CACNA1F: variants seen among roughly 807,000 people sequenced by gnomAD.
The protein encoded by CACNA1F is voltage-dependent L-type calcium channel subunit alpha-1F.
In CACNA1F, 59 loss-of-function variants were observed where a neutral mutation model predicts 143.8. The observed-to-expected ratio is 0.41, with a 90% CI of 0.33 to 0.51. The LOEUF (loss-of-function observed/expected upper bound fraction) is 0.51. Among genes scored for constraint, CACNA1F ranks in the 20% least tolerant of loss-of-function variants. The pLI is 0.22. For synonymous variants in CACNA1F, 643 were observed against 649.1 expected, an observed-to-expected ratio of 0.99 and a Z score of 0.14; for missense variants, 1,411 against 1,647.5, an observed-to-expected ratio of 0.86 and a Z score of 2.48.
At chrX:49,219,277 C>T in intron 21 of CACNA1F, 44 bp downstream of exon 21, 2 of 1,191,049 alleles carry the variant, frequency 1.7e-6, no homozygotes, top group East Asian at 3.0e-5. Flanking sequence ...TAGGACACCC[C>T]TGGGAGTGTC....
chrX:49,212,861 C>A, intron 32 of CACNA1F, 66 bp from the exon 33 acceptor site: 2 of 1,181,972 alleles, frequency 1.7e-6, no homozygotes, highest in Non-Finnish European at 2.3e-6. Flanking sequence ...CTATCTCATG[C>A]TTTGGCCCTC....
In CACNA1F at chrX:49,223,079, G is replaced by T. The variant is rs151256170; in HGVS notation, c.1935C>A (p.Ile645=). The change falls in exon 15 of 48, where the codon ATC becomes ATA. Residue 645 remains isoleucine, a synonymous_variant. Coordinates refer to ENST00000323022, the MANE Select transcript of CACNA1F (RefSeq NM_001256789.3). ...GGAAGAGGAGAAGCAGCAAGGATGC[G>T]ATGGATTTCATTGAATTGAGCAGGG... ...VASLLNSMKS[I]ASLLLLLFLF... The T allele has an allele frequency of 2.5e-6, 3 of 1,203,794 alleles. No homozygotes were observed. The East Asian group carries it at 8.9e-5, about 36-fold the overall frequency.
At position 49,231,720 on chromosome X, in the gene CACNA1F, G is replaced by A. The variant is rs781975294; in HGVS notation, c.233C>T (p.Ala78Val). The change falls in exon 2 of 48, where the codon GCC (alanine) becomes GTC (valine). Residue 78 changes from alanine (A) to valine (V), a missense_variant. Physicochemically the swap from Ala to Val is moderately conservative, Grantham distance 64. Transcript: ENST00000323022. Reference sequence around the variant, plus strand: ...GATGCAGGACCGTCGCAGAGGATTGGCCAGGGTGAGGCAGAAGAGTGCCCG... The same window carrying A: ...GATGCAGGACCGTCGCAGAGGATTGACCAGGGTGAGGCAGAAGAGTGCCCG... ...SPRALFCLTLANPLRRSCISI... is the reference protein window; with the variant it reads ...SPRALFCLTLVNPLRRSCISI... 9.1e-6 allele frequency: 11 copies of A among 1,211,935 alleles called. No individual in the cohort carries two copies. The South Asian group carries it at 1.2e-4, about 14-fold the overall frequency.
intron 35 of CACNA1F, 112 bp downstream of exon 35, chrX:49,211,786 G>T: frequency 1.6e-6 from 1 of 623,012 alleles, no homozygotes. Flanking sequence ...ATCTCGGGCT[G>T]TATGGAGCCC....
At chrX:49,227,401 C>A (rs782219406) in intron 8 of CACNA1F, among the ~76,000 whole-genome samples, 1 of 111,617 alleles carries the variant, frequency 9.0e-6, no homozygotes, top group Non-Finnish European at 1.9e-5. Flanking sequence ...CATAGCTCAC[C>A]GCAGCCTCGA....
intron 16 of CACNA1F, 43 bp from the exon 17 acceptor site, chrX:49,222,646 C>G: frequency 8.3e-7 from 1 of 1,204,478 alleles, no homozygotes; most frequent in East Asian, 3.0e-5. Flanking sequence ...AGCACCCTGC[C>G]TATAGACCAC....
At chrX:49,230,077 G>T in intron 6 of CACNA1F, 143 bp downstream of exon 6, 1 of 493,129 alleles carries the variant, frequency 2.0e-6, no homozygotes, top group Non-Finnish European at 3.4e-6. Context: ...TTGAATATAT[G>T]GGTGGGACTT....
rs781829718 is a variant in CACNA1F at position 49,215,171 on chromosome X, C to T, written c.3512G>A (p.Arg1171His). 2.5e-6 allele frequency: 3 copies of T among 1,208,119 alleles called. No individual in the cohort carries two copies. Among genetic ancestry groups the T allele is most frequent in the East Asian group, 5.9e-5 (2 of 33,727 alleles). Residue 1171 changes from arginine to histidine, a missense_variant, in exon 29 of 48, where the codon CGT becomes CAT. Coordinates refer to ENST00000323022, the MANE Select transcript of CACNA1F (RefSeq NM_001256789.3). ...RYIPKNPHQY[R>H]VWATVNSAAF... ...AGCAGAGTTCACAGTGGCCCACACA[C>T]GATACTGATGCGGGTTCTTGGGGAT...
Position 49,215,557 on chromosome X carries a change from A to C in CACNA1F, c.3237-14T>G. The C allele has an allele frequency of 1.2e-6, 1 of 822,807 alleles. No individual in the cohort carries two copies. The highest frequency in any genetic ancestry group is 1.7e-6 in the Non-Finnish European group (1 of 571,710). The allele number at this position is 822,807 out of a possible 1,213,427, so 67.8% of individuals were successfully genotyped here. ...TTGTATAGCAGTCTGTGGGAGCCAGAGGGGGGGTAGAGGTGGGGGCAGGTG... is the reference window on the plus strand; with the variant it reads ...TTGTATAGCAGTCTGTGGGAGCCAGCGGGGGGGTAGAGGTGGGGGCAGGTG... On this transcript the variant is annotated splice_polypyrimidine_tract_variant and intron_variant, in intron 27 of 47. Coordinates refer to ENST00000323022, the MANE Select transcript of CACNA1F (RefSeq NM_001256789.3).
In CACNA1F at chrX:49,215,479, C is replaced by G. The variant is rs1252151297; in HGVS notation, c.3301G>C (p.Glu1101Gln). 8.5e-7 allele frequency: 1 copy of G among 1,177,131 alleles called. No homozygotes were observed. The highest frequency in any genetic ancestry group is 1.1e-6 in the Non-Finnish European group (1 of 877,246). ...DHGPIYNYRVEISVFFIVYII... is the reference protein window; with the variant it reads ...DHGPIYNYRVQISVFFIVYII... The stretch of plus-strand genomic sequence containing the variant: ...TAGACAATGAAGAACACTGAGATCT[C>G]CACACGGTAATTATAGATGGGGCCG... The change falls in exon 28 of 48, where the codon GAG becomes CAG. Residue 1101 changes from glutamate (E) to glutamine (Q), a missense_variant. By Grantham distance (29) the Glu-to-Gln change is conservative. Coordinates refer to ENST00000323022, the MANE Select transcript of CACNA1F (RefSeq NM_001256789.3).
chrX:49,220,067 G>A (rs958164948), intron 19 of CACNA1F, among the ~76,000 whole-genome samples: 5 of 111,489 alleles, frequency 4.5e-5, no homozygotes, highest in Non-Finnish European at 9.4e-5. Flanking sequence ...TAAACAAAAC[G>A]TGTTTCTCTT....
intron 35 of CACNA1F, 145 bp downstream of exon 35, chrX:49,211,753 T>G (rs1557106299): frequency 3.7e-6 from 2 of 543,459 alleles, no homozygotes; most frequent in African/African-American, 4.6e-5. Context: ...TCTAACAGAC[T>G]CCTCACATCA....
intron 33 of CACNA1F, 115 bp from the exon 34 acceptor site, chrX:49,212,423 C>T (rs782783891): frequency 3.1e-6 from 2 of 655,435 alleles, no homozygotes; most frequent in East Asian, 6.9e-5. Flanking sequence ...TGCAGTCCAT[C>T]TCCAAAGTGC....
Position 49,231,000 on chromosome X carries a change from GA to G in CACNA1F, c.382-12del. On this transcript the variant is annotated splice_polypyrimidine_tract_variant and intron_variant, in intron 3 of 47. Coordinates refer to ENST00000323022, the MANE Select transcript of CACNA1F (RefSeq NM_001256789.3). ...GTACTCCACCTGCTCCTGGGGGTGG[GA>G]CCGGGGGGCGGGTCGGGAAGTCGAG... The G allele has an allele frequency of 9.8e-7, 1 of 1,023,113 alleles. No individual in the cohort carries two copies. The highest frequency in any genetic ancestry group is 1.4e-6 in the Non-Finnish European group (1 of 731,035). The allele number at this position is 1,023,113 out of a possible 1,213,427, so 84.3% of individuals were successfully genotyped here. A position where few individuals can be genotyped will look rare whatever the true frequency, so the allele number is the denominator to read the frequency against.
chrX:49,211,974 C>T lies in CACNA1F; in HGVS notation c.4024G>A (p.Ala1342Thr), dbSNP rs1329992091. 8.3e-7 allele frequency: 1 copy of T among 1,207,858 alleles called. No homozygotes were observed. Among genetic ancestry groups the T allele is most frequent in the African/African-American group, 1.7e-5 (1 of 57,187 alleles). ...VIGMQMFGKVALQDGTQINRN... is the reference protein window; with the variant it reads ...VIGMQMFGKVTLQDGTQINRN... The stretch of plus-strand genomic sequence containing the variant: ...TTTATCTGTGTGCCATCCTGAAGAG[C>T]CACCTTGCCGAACATCTGTGGACAC... Residue 1342 changes from alanine to threonine, a missense_variant, in exon 35 of 48, where the codon GCT becomes ACT. Coordinates refer to ENST00000323022, the MANE Select transcript of CACNA1F (RefSeq NM_001256789.3).
chrX:49,210,220 T>G, intron 39 of CACNA1F, 81 bp downstream of exon 39: 1 of 771,305 alleles, frequency 1.3e-6, no homozygotes, highest in African/African-American at 2.0e-5. Flanking sequence ...GGTTCAGAGC[T>G]AGGAGTGGGG....
At position 49,218,960 on chromosome X, in the gene CACNA1F, C is replaced by T. The variant is rs782102242; in HGVS notation, c.2674-19G>A. 6.0e-6 allele frequency: 7 copies of T among 1,170,622 alleles called. No individual in the cohort carries two copies. The highest frequency in any genetic ancestry group is 1.8e-5 in the African/African-American group (1 of 56,297). On this transcript the variant is annotated intron_variant, in intron 21 of 47. Transcript: ENST00000323022. ...CCAGAATCTGGGGTGTGAGAAAGAG[C>T]GGGGAGCCACTGAGTCACGGCTGAG... is the stretch of plus-strand genomic sequence containing the variant.
At chrX:49,212,935 G>A (rs1025823006) in intron 32 of CACNA1F, 39 bp downstream of exon 32, 5 of 1,193,299 alleles carry the variant, frequency 4.2e-6, no homozygotes, top group Non-Finnish European at 5.7e-6. Context: ...AGGGACATGG[G>A]AAAAGAAGCA....
chrX:49,227,961 T>C, intron 8 of CACNA1F, 75 bp downstream of exon 8: 1 of 676,596 alleles, frequency 1.5e-6, no homozygotes, highest in Non-Finnish European at 2.4e-6. Context: ...TTGAAGGATG[T>C]CTAGGAGTTT....
Sources: allele counts gnomAD v4.1 joint callset (sites outside exome capture counted in the v4.1 genomes callset), GRCh38; gene constraint gnomAD v4.1.1; transcripts MANE v1.5; gene names NCBI Gene and HGNC (gene_info 2026-07-23, HGNC 2026-07-21).